The following RERE variants were observed in gnomAD, a reference collection of about 807,000 sequenced individuals.
The protein encoded by RERE is arginine-glutamic acid dipeptide repeats, also known as arginine-glutamic acid dipeptide repeats protein.
A neutral mutation model predicts 146.1 loss-of-function variants in RERE; 40 were observed. The ratio of observed to expected loss-of-function variants is 0.27; its 90% CI spans 0.21 to 0.36. RERE has a LOEUF of 0.36. RERE is among the 10% of genes least tolerant of loss of function. The probability of loss-of-function intolerance (pLI) is 1.00; values close to 1 mark genes in which losing one functional copy is unlikely to be tolerated. For synonymous variants in RERE, 1,003 were observed against 866.0 expected, an observed-to-expected ratio of 1.16 and a Z score of -2.78; for missense variants, 1,933 against 2,138.7, an observed-to-expected ratio of 0.90 and a Z score of 1.90.
chr1:8,690,952 C>T (rs1288209082), intron 1 of RERE, among the ~76,000 whole-genome samples: 1 of 152,000 alleles, frequency 6.6e-6, no homozygotes, highest in Non-Finnish European at 1.5e-5. Context: ...GGCTGGAATG[C>T]AGTGGTGCAA....
intron 1 of RERE, among the ~76,000 whole-genome samples, chr1:8,716,400 G>A (rs999717089): frequency 6.6e-6 from 1 of 152,000 alleles, no homozygotes; most frequent in Non-Finnish European, 1.5e-5. Context: ...AGCCTGGGAG[G>A]TCAAGGCTGC....
chr1:8,385,767 C>G (rs1427533459), intron 12 of RERE, among the ~76,000 whole-genome samples: 1 of 150,346 alleles, frequency 6.7e-6, no homozygotes, highest in Admixed American at 6.6e-5. Flanking sequence ...TCGAGACTAT[C>G]CTGGCTAACA....
intron 4 of RERE, among the ~76,000 whole-genome samples, chr1:8,605,632 T>G (rs887959101): frequency 6.7e-6 from 1 of 150,008 alleles, no homozygotes; most frequent in Admixed American, 6.7e-5. Context: ...GACTGTAATC[T>G]CAGCTACTTG....
chr1:8,612,295 T>TG (rs1646802069), intron 4 of RERE, among the ~76,000 whole-genome samples: 1 of 152,228 alleles, frequency 6.6e-6, no homozygotes, highest in Non-Finnish European at 1.5e-5. Context: ...CTGTGTGCCT[T>TG]GCAGGATTTA....
intron 16 of RERE, among the ~76,000 whole-genome samples, 172 bp downstream of exon 16, chr1:8,362,511 G>T (rs1641623134): frequency 6.6e-6 from 1 of 152,170 alleles, no homozygotes; most frequent in African/African-American, 2.4e-5. Context: ...CCCTTCTCTA[G>T]GCCCCCAGCC....
chr1:8,653,479 G>A (rs1305540385), intron 2 of RERE, among the ~76,000 whole-genome samples: 1 of 152,020 alleles, frequency 6.6e-6, no homozygotes, highest in Non-Finnish European at 1.5e-5. Flanking sequence ...AGGCCGAGGC[G>A]GGTAGATCAC....
chr1:8,367,864 C>A (rs1641875562), intron 12 of RERE, among the ~76,000 whole-genome samples: 1 of 152,208 alleles, frequency 6.6e-6, no homozygotes, highest in Non-Finnish European at 1.5e-5. Context: ...TTTATCTATA[C>A]TGATCCTTGG....
intron 1 of RERE, among the ~76,000 whole-genome samples, chr1:8,677,458 A>AG (rs1638869244): frequency 6.6e-6 from 1 of 151,734 alleles, no homozygotes; most frequent in South Asian, 2.1e-4. Context: ...AGAAAAGAAA[A>AG]AAAAAAAAAA....
chr1:8,450,903 A>C (rs944320168), intron 11 of RERE, among the ~76,000 whole-genome samples: 7 of 152,168 alleles, frequency 4.6e-5, no homozygotes, highest in African/African-American at 1.7e-4. Context: ...CCCTTCTAAT[A>C]GTCTGTGTCT....
At chr1:8,600,916 G>A (rs1223751219) in intron 4 of RERE, among the ~76,000 whole-genome samples, 4 of 151,260 alleles carry the variant, frequency 2.6e-5, no homozygotes, top group African/African-American at 4.9e-5. Flanking sequence ...CACCATGCCC[G>A]GCTAATTTTT....
chr1:8,485,656 G>C (rs889767427), intron 10 of RERE, among the ~76,000 whole-genome samples: 1 of 152,090 alleles, frequency 6.6e-6, no homozygotes, highest in Non-Finnish European at 1.5e-5. Flanking sequence ...CACAAAAAAG[G>C]TTACAGCAGA....
chr1:8,423,529 G>A lies in RERE; in HGVS notation c.1204-722C>T, dbSNP rs1643947440. The A allele has an allele frequency of 1.0e-6, 1 of 983,666 alleles. No individual in the cohort carries two copies. The highest frequency in any genetic ancestry group is 6.2e-5 in the Admixed American group (1 of 16,238). The allele number at this position is 983,666 out of a possible 1,614,324, so 60.9% of individuals were successfully genotyped here. Reference sequence around the variant, plus strand: ...CCTCCCGAGCACCCCTCCCCGCCCCGGTGGGGGCAGCTCCTGGCTCCGAGC... The same window carrying A: ...CCTCCCGAGCACCCCTCCCCGCCCCAGTGGGGGCAGCTCCTGGCTCCGAGC... On this transcript the variant is annotated intron_variant, in intron 11 of 22. Coordinates refer to ENST00000400908, the MANE Select transcript of RERE (RefSeq NM_001042681.2). The surrounding 1 kb of genome is among the most constrained non-coding windows in gnomAD (Gnocchi z 5.4).
In RERE at chr1:8,358,722, G is replaced by A. The variant is rs1266509747; in HGVS notation, c.3813C>T (p.Asn1271=). The change falls in exon 20 of 23, where the codon AAC becomes AAT. Residue 1271 remains asparagine (N), a synonymous_variant. Transcript: ENST00000400908. ...RPHVMSPTNR[N]HPFYMPLNPT... ...GGTTAAGGGGCATGTAGAAGGGGTG[G>A]TTGCGGTTGGTGGGCGACATGACGT... 6.2e-7 allele frequency: 1 copy of A among 1,605,198 alleles called. No individual in the cohort carries two copies. Among genetic ancestry groups the A allele is most frequent in the Admixed American group, 1.7e-5 (1 of 59,498 alleles).
intron 4 of RERE, among the ~76,000 whole-genome samples, chr1:8,591,600 A>T (rs150385439): frequency 7.5e-4 from 114 of 152,250 alleles, no homozygotes; most frequent in African/African-American, 2.6e-3. Context: ...TATCCACAGG[A>T]CGACAACTCC....
chr1:8,493,916 T>A (rs139378380), intron 10 of RERE, among the ~76,000 whole-genome samples: 1 of 152,302 alleles, frequency 6.6e-6, no homozygotes, highest in East Asian at 1.9e-4. Context: ...AGAGAGGAAT[T>A]ATTTCATGTA....
rs1247089791 is a variant in RERE at position 8,423,723 on chromosome 1, C to G, written c.1204-916G>C. 3.1e-6 allele frequency: 3 copies of G among 979,320 alleles called. No homozygotes were observed. Among genetic ancestry groups the G allele is most frequent in the African/African-American group, 1.8e-5 (1 of 56,706 alleles). 60.7% of individuals were successfully genotyped at this position (979,320 alleles called of 1,614,324 possible). A position where few individuals can be genotyped will look rare whatever the true frequency, so the allele number is the denominator to read the frequency against. ...GGCTCGGCGTGTGACCGCGGCGGGG[C>G]CGCGCGGCGCGGGGCCCGGGGGGCG... On this transcript the variant is annotated intron_variant, in intron 11 of 22. Transcript: ENST00000400908. This position sits in a 1 kb window ranked among gnomAD's most constrained non-coding sequence, Gnocchi z 5.4.
Position 8,501,110 on chromosome 1 carries a change from A to C in RERE, c.880-3581T>G, listed in dbSNP as rs1439915801. Among the ~76,000 whole-genome samples, 9 of 100,086 alleles carry C rather than the reference A, an allele frequency of 9.0e-5. No individual in the cohort carries two copies. In the East Asian group the frequency reaches 1.0e-3, roughly 11 times the overall value. The allele number at this position is 100,086 out of a possible 152,430, so 65.7% of individuals were successfully genotyped here. The stretch of plus-strand genomic sequence containing the variant: ...GGGGCTCCTCTGCCCGGCCGCCCCT[A>C]CTGGGAAGTGAGGAGCCCCTCTGCC... On this transcript the variant is annotated intron_variant, in intron 8 of 22. Coordinates refer to ENST00000400908, the MANE Select transcript of RERE (RefSeq NM_001042681.2).
chr1:8,751,030 G>C, intron 1 of RERE: 2 of 616,264 alleles, frequency 3.2e-6, no homozygotes, highest in South Asian at 3.8e-5. Context: ...AATGCTTCAA[G>C]GAAGCAAATA....
intron 1 of RERE, among the ~76,000 whole-genome samples, chr1:8,757,903 CACATACAT>C (rs1557524317): frequency 1.6e-5 from 2 of 125,930 alleles, no homozygotes; most frequent in South Asian, 2.6e-4. Context: ...CACACACACA[CACATACAT>C]ACACACACAC....
Sources: gnomAD v4.1 joint callset for allele counts (sites outside exome capture counted in the v4.1 genomes callset) on GRCh38, gnomAD v4.1.1 for gene constraint, Gnocchi (gnomAD v3.1) non-coding constraint, MANE v1.5 for transcripts, NCBI Gene and HGNC (gene_info 2026-07-23, HGNC 2026-07-21) for gene names.